Variants in NR2C2 observed in about 807,000 individuals in gnomAD.
NR2C2 encodes the protein nuclear receptor subfamily 2 group C member 2.
Under a neutral mutation model 62.9 loss-of-function variants are expected in NR2C2, and 6 were observed. That is an observed-to-expected ratio of 0.10 (90% confidence interval 0.05 to 0.19). The LOEUF (loss-of-function observed/expected upper bound fraction) is 0.19, where lower values mean the gene tolerates loss of function less well. Ranked by LOEUF, NR2C2 falls within the 10% of genes least tolerant of loss-of-function variation. The pLI is 1.00. For synonymous variants in NR2C2, 272 were observed against 273.8 expected (o/e 0.99, Z 0.07); for missense variants, 479 against 762.7 (o/e 0.63, Z 4.38).
chr3:15,027,170 T>C lies in NR2C2; in HGVS notation c.799-1416T>C, dbSNP rs529703958. 4.6e-5 allele frequency among the ~76,000 whole-genome samples: 7 copies of C among 151,976 alleles called. No individual in the cohort carries two copies. In the South Asian group the frequency reaches 1.5e-3, roughly 32 times the overall value. The stretch of plus-strand genomic sequence containing the variant: ...GTGAGCCACCGCTCCTGGCCAATTT[T>C]GTGTTTTTAGTAGAGATGAGGTTTC... On this transcript the variant is annotated intron_variant, in intron 7 of 13. Coordinates refer to ENST00000425241, the MANE Select transcript of NR2C2 (RefSeq NM_001291694.2).
chr3:15,025,758 G>C (rs113735048), intron 7 of NR2C2: 3 of 152,476 alleles, frequency 2.0e-5, no homozygotes, highest in African/African-American at 7.2e-5. Flanking sequence ...ATCACAACGA[G>C]GACATTGGCT....
At chr3:15,012,413 A>C (rs2041381439) in intron 2 of NR2C2, among the ~76,000 whole-genome samples, 1 of 152,038 alleles carries the variant, frequency 6.6e-6, no homozygotes, top group South Asian at 2.1e-4. Flanking sequence ...TTTAGTAGAG[A>C]CAGGGTTTCG....
At chr3:15,011,381 C>T (rs1035240268) in intron 2 of NR2C2, among the ~76,000 whole-genome samples, 2 of 152,116 alleles carry the variant, frequency 1.3e-5, no homozygotes, top group Non-Finnish European at 2.9e-5. Flanking sequence ...ACTCACAGAG[C>T]TCAGGTTATG....
intron 1 of NR2C2, among the ~76,000 whole-genome samples, chr3:14,951,283 G>T (rs1247900006): frequency 6.6e-6 from 1 of 152,050 alleles, no homozygotes; most frequent in Non-Finnish European, 1.5e-5. Flanking sequence ...TCTTTCTAAA[G>T]ATAAATTGAT....
chr3:14,956,283 C>G (rs896665573), intron 1 of NR2C2, among the ~76,000 whole-genome samples: 1 of 152,196 alleles, frequency 6.6e-6, no homozygotes, highest in Non-Finnish European at 1.5e-5. Flanking sequence ...TATCCTCTCT[C>G]AGGCTATCTA....
intron 1 of NR2C2, among the ~76,000 whole-genome samples, chr3:14,977,770 G>A (rs944230667): frequency 2.0e-5 from 3 of 151,956 alleles, no homozygotes; most frequent in African/African-American, 7.3e-5. Flanking sequence ...TTCAAAACCA[G>A]CCTGGGCAAC....
Position 15,024,182 on chromosome 3 carries a change from A to T in NR2C2, c.772A>T (p.Thr258Ser). 1 of 1,611,572 alleles carries T rather than the reference A, an allele frequency of 6.2e-7. No homozygotes were observed. Among genetic ancestry groups the T allele is most frequent in the Non-Finnish European group, 8.5e-7 (1 of 1,178,918 alleles). ...GCAGCCTTTGATACGTGAGGATGGT[A>T]CAGTTCTCCTGGCCACGGATTCTAA... ...IQQPLIREDG[T>S]VLLATDSKAE... Residue 258 changes from threonine (T) to serine (S), a missense_variant, in exon 7 of 14, where the codon ACA becomes TCA. By Grantham distance (58) the Thr-to-Ser change is moderately conservative (BLOSUM62 1). Coordinates refer to ENST00000425241, the MANE Select transcript of NR2C2 (RefSeq NM_001291694.2).
At chr3:14,955,850 G>C (rs188727704) in intron 1 of NR2C2, among the ~76,000 whole-genome samples, 2 of 151,312 alleles carry the variant, frequency 1.3e-5, no homozygotes, top group East Asian at 3.9e-4. Flanking sequence ...TTTAGGGGAG[G>C]TGTCAACACA....
At chr3:14,948,646 C>T (rs1362580425) in intron 1 of NR2C2, 1 of 153,326 alleles carries the variant, frequency 6.5e-6, no homozygotes, top group Non-Finnish European at 1.5e-5. Flanking sequence ...AGGCCGGCGC[C>T]TGGTCTTGGG....
At position 15,045,907 on chromosome 3, in the gene NR2C2, C is replaced by G. The variant is rs1046577016; in HGVS notation, c.*2899C>G. 6.6e-6 allele frequency: 1 copy of G among 152,226 alleles called. No individual in the cohort carries two copies. Among genetic ancestry groups the G allele is most frequent in the African/African-American group, 2.4e-5 (1 of 41,452 alleles). 9.4% of individuals were successfully genotyped at this position (152,226 alleles called of 1,614,324 possible). On this transcript the variant is annotated 3_prime_UTR_variant, in exon 14 of 14. Transcript: ENST00000425241. The stretch of plus-strand genomic sequence containing the variant: ...CTCAGAGAGGTGGGACAGACACATG[C>G]TGTCATCAGTTAAGTGAGCTCTTTT...
intron 7 of NR2C2, among the ~76,000 whole-genome samples, chr3:15,027,341 C>G (rs2041852258): frequency 6.6e-6 from 1 of 152,226 alleles, no homozygotes. Flanking sequence ...TTTATTTATC[C>G]ATTAGTCAAT....
At chr3:14,990,355 T>C (rs2040635076) in intron 1 of NR2C2, among the ~76,000 whole-genome samples, 1 of 152,192 alleles carries the variant, frequency 6.6e-6, no homozygotes, top group Non-Finnish European at 1.5e-5. Flanking sequence ...GAGAACTTTG[T>C]AAAGCAGAGT....
chr3:15,000,814 GT>G (rs60214973), intron 1 of NR2C2, among the ~76,000 whole-genome samples: 18,861 of 126,940 alleles, frequency 0.15, 993 homozygotes, highest in African/African-American at 0.21. Context: ...ATTTATTTAG[GT>G]TTTTTTTTTT....
rs57560170 is a variant in NR2C2, at chr3:15,010,353, TAA to T, written c.73-3225_73-3224del. On this transcript the variant is annotated intron_variant, in intron 2 of 13. Coordinates refer to ENST00000425241, the MANE Select transcript of NR2C2 (RefSeq NM_001291694.2). ...TACGGATGTCTTAGGAGGGTGAAGA[TAA>T]AAAAAAAAAACCCAAAATTATAAGT... 5.1e-3 allele frequency among the ~76,000 whole-genome samples: 720 copies of T among 140,764 alleles called. 6 individuals carry two copies. The highest frequency in any genetic ancestry group is 0.017 in the African/African-American group (666 of 38,810). 92.3% of individuals were successfully genotyped at this position (140,764 alleles called of 152,430 possible). A position where few individuals can be genotyped will look rare whatever the true frequency, so the allele number is the denominator to read the frequency against.
intron 2 of NR2C2, among the ~76,000 whole-genome samples, chr3:15,009,065 A>G (rs2041274262): frequency 6.7e-6 from 1 of 148,232 alleles, no homozygotes; most frequent in Non-Finnish European, 1.5e-5. Flanking sequence ...TACTAAAAAT[A>G]CAAAAAATTA....
chr3:15,020,663 T>A, intron 4 of NR2C2, 90 bp from the exon 5 acceptor site: 1 of 1,466,442 alleles, frequency 6.8e-7, no homozygotes, highest in Non-Finnish European at 9.4e-7. Context: ...ATCACTTCAA[T>A]GAGACTTGCA....
At chr3:15,002,505 A>G (rs1236043015) in intron 1 of NR2C2, among the ~76,000 whole-genome samples, 3 of 151,990 alleles carry the variant, frequency 2.0e-5, no homozygotes. Flanking sequence ...TTGTGTTTCT[A>G]TTCATAAGAG....
At chr3:14,990,439 G>A (rs918057811) in intron 1 of NR2C2, among the ~76,000 whole-genome samples, 8 of 152,192 alleles carry the variant, frequency 5.3e-5, no homozygotes, top group African/African-American at 1.9e-4. Context: ...GCAGGAACAT[G>A]TCGATTTTGC....
intron 11 of NR2C2, among the ~76,000 whole-genome samples, chr3:15,035,314 G>A (rs770273190): frequency 7.9e-5 from 12 of 152,172 alleles, no homozygotes; most frequent in Admixed American, 2.0e-4. Context: ...ATGTTAGGAG[G>A]CTTATCAGTC....
Sources: gnomAD v4.1 joint callset for allele counts (sites outside exome capture counted in the v4.1 genomes callset) on GRCh38, gnomAD v4.1.1 for gene constraint, MANE v1.5 for transcripts, NCBI Gene and HGNC (gene_info 2026-07-23, HGNC 2026-07-21) for gene names.